The following PEX1 variants were observed in gnomAD, a reference collection of about 807,000 sequenced individuals.
PEX1 encodes peroxisomal ATPase PEX1.
PEX1 carries 97 observed loss-of-function variants against 152.5 expected under a neutral mutation model. That is an observed-to-expected ratio of 0.64 (90% CI 0.54 to 0.75). PEX1 has a LOEUF of 0.75. PEX1 is among the 30% of genes least tolerant of loss of function. The pLI is 0.00. For missense variants in PEX1, 1,357 were observed against 1,516.3 expected (o/e 0.89, Z 1.74); for synonymous variants, 485 against 531.6 (o/e 0.91, Z 1.21).
chr7:92,494,644 C>A lies in PEX1; in HGVS notation c.2784-15G>T, dbSNP rs749338208. On this transcript the variant is annotated splice_polypyrimidine_tract_variant and intron_variant, in intron 17 of 23. Transcript: ENST00000248633. ...CAGCCTGTGCTCTGGGAAAAACAAACAACATTTCATATTTGAATCAGGCTT... is the reference window on the plus strand; with the variant it reads ...CAGCCTGTGCTCTGGGAAAAACAAAAAACATTTCATATTTGAATCAGGCTT... 5 of 1,613,058 alleles carry A rather than the reference C, an allele frequency of 3.1e-6. No homozygotes were observed. The African/African-American group carries it at 6.7e-5, about 22-fold the overall frequency.
intron 16 of PEX1, among the ~76,000 whole-genome samples, chr7:92,499,350 A>G (rs1290691639): frequency 6.6e-6 from 1 of 152,246 alleles, no homozygotes; most frequent in African/African-American, 2.4e-5. Flanking sequence ...AAAGTATGGT[A>G]ACATTATTCA....
intron 6 of PEX1, 114 bp from the exon 7 acceptor site, chr7:92,511,817 A>G: frequency 5.3e-6 from 5 of 939,848 alleles, no homozygotes; most frequent in Middle Eastern, 3.2e-4. Flanking sequence ...AACAAATCCA[A>G]TGAAGGATGT....
chr7:92,495,367 T>C (rs1440662844), intron 17 of PEX1, among the ~76,000 whole-genome samples: 2 of 152,126 alleles, frequency 1.3e-5, no homozygotes, highest in African/African-American at 2.4e-5. Context: ...AAGTAAAATA[T>C]ATCTTCTGGG....
rs144054378 is a variant in PEX1, at chr7:92,514,665, C to T, written c.1240-698G>A. Among the ~76,000 whole-genome samples the T allele has an allele frequency of 6.1e-4, 93 of 152,242 alleles. 1 individual carries two copies. Among genetic ancestry groups the T allele is most frequent in the Non-Finnish European group, 1.1e-3 (78 of 68,002 alleles). On this transcript the variant is annotated intron_variant, in intron 5 of 23. Transcript: ENST00000248633. The stretch of plus-strand genomic sequence containing the variant: ...ATCTAAAAAGCAGAGTAAAATTTCT[C>T]CCACCCCCTAATGAAAATGTTCTAA...
At chr7:92,523,104 A>G (rs1793121402) in intron 1 of PEX1, among the ~76,000 whole-genome samples, 1 of 152,240 alleles carries the variant, frequency 6.6e-6, no homozygotes, top group Admixed American at 6.5e-5. Context: ...ATGATTAAAC[A>G]ATTACAAACT....
In PEX1 at chr7:92,499,715, TA is replaced by T. The variant is rs1562852075; in HGVS notation, c.2706del (p.Phe902LeufsTer2). The T allele has an allele frequency of 6.2e-7, 1 of 1,612,920 alleles. No homozygotes were observed. ...GVIARESRMN[F>X]ISVKGPELLS... ...AGTAGACAACATACCTTGACACTTA[TA>T]AAATTCATTCTACTCTCTCGTGCAA... is the stretch of plus-strand genomic sequence containing the variant. On this transcript the variant is annotated frameshift_variant, in exon 16 of 24. Transcript: ENST00000248633. LOFTEE classifies it high-confidence loss of function.
chr7:92,513,934 C>T lies in PEX1; in HGVS notation c.1273G>A (p.Glu425Lys). The T allele has an allele frequency of 1.9e-6, 3 of 1,587,644 alleles. No individual in the cohort carries two copies. ...PDDLRKRLNI[E>K]MHAVVRITPV... ...GTTATCCTGACTACGGCATGCATTT[C>T]TATATTTAGTCTCTTCCTCAGGTCA... The change falls in exon 6 of 24, where the codon GAA becomes AAA. Residue 425 changes from glutamate (E) to lysine (K), a missense_variant. Coordinates refer to ENST00000248633, the MANE Select transcript of PEX1 (RefSeq NM_000466.3).
At position 92,511,604 on chromosome 7, in the gene PEX1, AT is replaced by A. The variant is rs1360871289; in HGVS notation, c.1458del (p.Glu486AspfsTer11). ...CCATCTTTAGTTTCCAGCTTAATAA[AT>A]TCTTCCTCTGATATTACCAAAGGAA... is the stretch of plus-strand genomic sequence containing the variant. Reference protein sequence around the residue: ...TMLPLVISEEEFIKLETKDGL... With the variant: ...TMLPLVISEEXFIKLETKDGL... On this transcript the variant is annotated frameshift_variant, in exon 7 of 24. Transcript: ENST00000248633. LOFTEE classifies it high-confidence loss of function. 6.2e-7 allele frequency: 1 copy of A among 1,612,022 alleles called. No individual in the cohort carries two copies. The highest frequency in any genetic ancestry group is 1.1e-5 in the South Asian group (1 of 91,054).
chr7:92,503,046 T>C lies in PEX1; in HGVS notation c.2221A>G (p.Asn741Asp), dbSNP rs1461356904. 6.2e-7 allele frequency: 1 copy of C among 1,612,620 alleles called. No individual in the cohort carries two copies. The highest frequency in any genetic ancestry group is 1.7e-5 in the Admixed American group (1 of 60,010). The change falls in exon 13 of 24, where the codon AAT becomes GAT. Residue 741 changes from asparagine to aspartate, a missense_variant. By Grantham distance (23) the Asn-to-Asp change is conservative. Coordinates refer to ENST00000248633, the MANE Select transcript of PEX1 (RefSeq NM_000466.3). ...CCTTACAAGTAGTGTATTACCTGAT[T>C]AGGAGGCTGAATGTGTTGGACGCAC... The part of the protein sequence containing the change: ...FQCVQHIQPP[N>D]QEQRCEILCN...
chr7:92,507,154 T>TA, intron 9 of PEX1, 28 bp from the exon 10 acceptor site: 1 of 1,605,892 alleles, frequency 6.2e-7, no homozygotes, highest in Non-Finnish European at 8.5e-7. Flanking sequence ...AGTTACATGA[T>TA]AAAAGACTGA....
Position 92,506,445 on chromosome 7 carries a change from A to G in PEX1, c.1804-101T>C, listed in dbSNP as rs1792194814. On this transcript the variant is annotated intron_variant, in intron 10 of 23. Coordinates refer to ENST00000248633, the MANE Select transcript of PEX1 (RefSeq NM_000466.3). ...CAAGATTCAGCCTCAATTTTATACA[A>G]CCTCTTCCAAAAAAACAAAAGAAGA... 7.7e-6 allele frequency: 6 copies of G among 781,456 alleles called. No individual in the cohort carries two copies. The South Asian group carries it at 8.5e-5, about 11-fold the overall frequency. 48.4% of individuals were successfully genotyped at this position (781,456 alleles called of 1,614,324 possible).
chr7:92,487,676 C>T (rs1049773860), intron 23 of PEX1, 135 bp from the exon 24 acceptor site: 10 of 466,240 alleles, frequency 2.1e-5, no homozygotes, highest in Non-Finnish European at 3.8e-5. Flanking sequence ...AAATTCCAGT[C>T]ACAGAAATTA....
chr7:92,518,844 A>G (rs1469651891), intron 3 of PEX1, 151 bp downstream of exon 3: 3 of 681,156 alleles, frequency 4.4e-6, no homozygotes, highest in Non-Finnish European at 7.9e-6. Context: ...TGCTGGGACT[A>G]TAGGCATGAG....
At chr7:92,509,221 A>G (rs1792338326) in intron 9 of PEX1, 108 bp downstream of exon 9, 3 of 765,052 alleles carry the variant, frequency 3.9e-6, no homozygotes. Context: ...ATGCATTATT[A>G]AGATCACTTA....
Position 92,489,240 on chromosome 7 carries a change from A to G in PEX1, c.3767+53T>C. On this transcript the variant is annotated intron_variant, in intron 23 of 23. Transcript: ENST00000248633. ...CGAACTTTAAAGGTTTAAGTGTAATACTATGTCACTTGTAATAGTAGCTGT... is the reference window on the plus strand; with the variant it reads ...CGAACTTTAAAGGTTTAAGTGTAATGCTATGTCACTTGTAATAGTAGCTGT... 8.7e-6 allele frequency: 13 copies of G among 1,492,054 alleles called. No individual in the cohort carries two copies. In the South Asian group the frequency reaches 1.5e-4, roughly 17 times the overall value. The allele number at this position is 1,492,054 out of a possible 1,614,324, so 92.4% of individuals were successfully genotyped here.
intron 11 of PEX1, among the ~76,000 whole-genome samples, chr7:92,505,682 T>A (rs2116171878): frequency 6.6e-6 from 1 of 152,254 alleles, no homozygotes; most frequent in East Asian, 1.9e-4. Flanking sequence ...AAGTTTAAAT[T>A]TACAAAGAAC....
Position 92,508,237 on chromosome 7 carries a change from A to T in PEX1, c.1670+1092T>A, listed in dbSNP as rs144253231. ...CTGTGACTGCCTGCCACTTTACATG[A>T]TCACATGAGAGTCTGAAGAGATTTT... On this transcript the variant is annotated intron_variant, in intron 9 of 23. Transcript: ENST00000248633. 3.7e-3 allele frequency among the ~76,000 whole-genome samples: 568 copies of T among 152,298 alleles called. 2 individuals are homozygous for T. Among genetic ancestry groups the T allele is most frequent in the African/African-American group, 0.013 (553 of 41,562 alleles).
intron 6 of PEX1, 63 bp downstream of exon 6, chr7:92,513,784 AG>A: frequency 8.1e-7 from 1 of 1,234,368 alleles, no homozygotes; most frequent in Non-Finnish European, 1.2e-6. Flanking sequence ...ACTTAGCTAA[AG>A]CAACTAGAAA....
chr7:92,503,328 G>C (rs1792027001), intron 12 of PEX1, 133 bp from the exon 13 acceptor site: 2 of 750,170 alleles, frequency 2.7e-6, no homozygotes, highest in Admixed American at 2.3e-5. Flanking sequence ...GCTCTTTCAT[G>C]TCTTTAAAAA....
Sources: gnomAD v4.1 joint callset for allele counts (sites outside exome capture counted in the v4.1 genomes callset) on GRCh38, gnomAD v4.1.1 for gene constraint, MANE v1.5 for transcripts, NCBI Gene and HGNC (gene_info 2026-07-23, HGNC 2026-07-21) for gene names.